FAT1: variants seen among roughly 807,000 people sequenced by gnomAD.
FAT1 encodes the protein FAT atypical cadherin 1.
Under a neutral mutation model 329.8 loss-of-function variants are expected in FAT1, and 171 were observed. That is an observed-to-expected ratio of 0.52 (90% CI 0.46 to 0.59). The LOEUF (loss-of-function observed/expected upper bound fraction) is 0.59. Among genes scored for constraint, FAT1 ranks in the 20% least tolerant of loss-of-function variants. The pLI is 0.00. For missense variants in FAT1, 5,672 were observed against 5,774.4 expected, an observed-to-expected ratio of 0.98 and a Z score of 0.57; for synonymous variants, 2,233 against 2,228.6, an observed-to-expected ratio of 1.00 and a Z score of -0.06.
At chr4:186,606,665 G>A (rs1016979797) in intron 16 of FAT1, among the ~76,000 whole-genome samples, 2 of 152,064 alleles carry the variant, frequency 1.3e-5, no homozygotes, top group African/African-American at 4.8e-5. Context: ...CATTTCCAAT[G>A]CCTCAGGACA....
chr4:186,620,443 T>C lies in FAT1; in HGVS notation c.6143A>G (p.Asp2048Gly), dbSNP rs1311527808. ...TTCCTCTGTCACTTCTACAACCACA[T>C]CAAACGCCTCCTGCTGCTCACGATC... is the stretch of plus-strand genomic sequence containing the variant. ...PFDREQQEAFDVVVEVTEEHK... is the reference protein window; with the variant it reads ...PFDREQQEAFGVVVEVTEEHK... The change falls in exon 10 of 27, where the codon GAT becomes GGT. Residue 2048 changes from aspartate to glycine, a missense_variant. Coordinates refer to ENST00000441802, the MANE Select transcript of FAT1 (RefSeq NM_005245.4). 1.9e-6 allele frequency: 3 copies of C among 1,613,996 alleles called. No individual in the cohort carries two copies. The highest frequency in any genetic ancestry group is 2.5e-6 in the Non-Finnish European group (3 of 1,179,900).
chr4:186,662,932 G>C (rs1227617550), intron 3 of FAT1, among the ~76,000 whole-genome samples: 1 of 152,042 alleles, frequency 6.6e-6, no homozygotes, highest in Admixed American at 6.5e-5. Context: ...CGCCCCCCGG[G>C]TTCACGCCAT....
Position 186,661,789 on chromosome 4 carries a change from G to C in FAT1, c.3580+1510C>G, listed in dbSNP as rs148378594. ...TTGGAGCTGGTGGGTCAGGAGTTTC[G>C]GAGGCCTGGGCTTGAAGAGAGGTTA... On this transcript the variant is annotated intron_variant, in intron 3 of 26. Coordinates refer to ENST00000441802, the MANE Select transcript of FAT1 (RefSeq NM_005245.4). Among the ~76,000 whole-genome samples the C allele has an allele frequency of 1.8e-4, 27 of 152,174 alleles. No individual in the cohort carries two copies. In the Middle Eastern group the frequency reaches 0.01, roughly 58 times the overall value.
rs1235360962 is a variant in FAT1, at chr4:186,603,050, G to A, written c.11351-16C>T. 1 of 1,613,756 alleles carries A rather than the reference G, an allele frequency of 6.2e-7. No homozygotes were observed. Among genetic ancestry groups the A allele is most frequent in the East Asian group, 2.2e-5 (1 of 44,846 alleles). On this transcript the variant is annotated splice_polypyrimidine_tract_variant and intron_variant, in intron 19 of 26. Transcript: ENST00000441802. ...CACCTTCCCTCTTCATTCAAAGAGG[G>A]GAGAAAGGGAAAAGATAATTAACAG...
chr4:186,684,302 A>G (rs1743362854), intron 2 of FAT1, among the ~76,000 whole-genome samples: 2 of 152,130 alleles, frequency 1.3e-5, no homozygotes, highest in African/African-American at 4.8e-5. Context: ...ACTATATCCA[A>G]TCCCAGATGA....
At chr4:186,589,498 GGA>G (rs2126359751) in intron 26 of FAT1, among the ~76,000 whole-genome samples, 1 of 152,120 alleles carries the variant, frequency 6.6e-6, no homozygotes, top group East Asian at 1.9e-4. Flanking sequence ...AAGAGAAATG[GGA>G]TGCTAGCATC....
At chr4:186,662,014 G>T (rs1475780109) in intron 3 of FAT1, among the ~76,000 whole-genome samples, 4 of 63,180 alleles carry the variant, frequency 6.3e-5, no homozygotes, top group African/African-American at 2.5e-4. Context: ...CCTCCCCCCC[G>T]CCCCCCGGCC....
Position 186,602,940 on chromosome 4 carries a change from G to A in FAT1, c.11445C>T (p.Thr3815=). ...CVSDPWEEKH[T]CVCPSGRFGQ... ...CAAACCTGCCGCTGGGACAGACACA[G>A]GTGTGTTTCTCCTCCCAGGGATCAG... Residue 3815 remains threonine (T), a synonymous_variant, in exon 20 of 27, where the codon ACC becomes ACT. Coordinates refer to ENST00000441802, the MANE Select transcript of FAT1 (RefSeq NM_005245.4). The A allele has an allele frequency of 2.5e-6, 4 of 1,613,958 alleles. No homozygotes were observed. The highest frequency in any genetic ancestry group is 3.4e-6 in the Non-Finnish European group (4 of 1,179,852).
chr4:186,670,833 G>A (rs951765951), intron 2 of FAT1, among the ~76,000 whole-genome samples: 2 of 152,080 alleles, frequency 1.3e-5, no homozygotes, highest in African/African-American at 2.4e-5. Flanking sequence ...CCAGAGAGAC[G>A]TAACTAAATG....
At chr4:186,665,302 G>C (rs1742380258) in intron 2 of FAT1, among the ~76,000 whole-genome samples, 1 of 152,186 alleles carries the variant, frequency 6.6e-6, no homozygotes, top group Non-Finnish European at 1.5e-5. Flanking sequence ...CTAGTTTACA[G>C]TCCCACCAAC....
At position 186,628,481 on chromosome 4, in the gene FAT1, C is replaced by A. The variant is rs751227976; in HGVS notation, c.4599+7G>T. 1.2e-6 allele frequency: 2 copies of A among 1,613,690 alleles called. No individual in the cohort carries two copies. The highest frequency in any genetic ancestry group is 8.5e-7 in the Non-Finnish European group (1 of 1,179,792). On this transcript the variant is annotated splice_region_variant and intron_variant, in intron 8 of 26. Transcript: ENST00000441802. Reference sequence around the variant, plus strand: ...AATGGTGGGAGGAGAGCGGGTAGAGCGCCTACCATGACCGTGAGGGTGTGC... The same window carrying A: ...AATGGTGGGAGGAGAGCGGGTAGAGAGCCTACCATGACCGTGAGGGTGTGC...
chr4:186,603,336 T>G lies in FAT1; in HGVS notation c.11190A>C (p.Ile3730=). Residue 3730 remains isoleucine (I), a synonymous_variant, in exon 19 of 27, where the codon ATA becomes ATC. Transcript: ENST00000441802. ...TDIEEIIGVR[I]LNVFQKLCAG... ...CGCAGAGTTTCTGGAATACATTCAG[T>G]ATCCTAACTCCAATGATTTCCTCAA... is the stretch of plus-strand genomic sequence containing the variant. 1 of 1,614,022 alleles carries G rather than the reference T, an allele frequency of 6.2e-7. No homozygotes were observed. The highest frequency in any genetic ancestry group is 8.5e-7 in the Non-Finnish European group (1 of 1,179,896).
chr4:186,677,900 A>C (rs1743028851), intron 2 of FAT1, among the ~76,000 whole-genome samples: 1 of 152,196 alleles, frequency 6.6e-6, no homozygotes. Flanking sequence ...AATAACTGTC[A>C]TGTATCTACA....
At chr4:186,592,809 A>C (rs1738309871) in intron 26 of FAT1, 1 of 455,966 alleles carries the variant, frequency 2.2e-6, no homozygotes, top group Non-Finnish European at 4.4e-6. Context: ...GTTAGAAAAC[A>C]GTGCATGAAA....
chr4:186,719,173 T>A (rs1745349712), intron 1 of FAT1, among the ~76,000 whole-genome samples: 1 of 152,186 alleles, frequency 6.6e-6, no homozygotes. Flanking sequence ...AAAGATCTCA[T>A]CTACTCTGCC....
chr4:186,609,178 C>T lies in FAT1; in HGVS notation c.10206+5G>A, dbSNP rs562643856. The T allele has an allele frequency of 1.1e-5, 18 of 1,610,774 alleles. No homozygotes were observed. In the South Asian group the frequency reaches 1.9e-4, roughly 17 times the overall value. On this transcript the variant is annotated splice_donor_5th_base_variant and intron_variant, in intron 16 of 26. Transcript: ENST00000441802. ...AAACAACGTAAATCAACCTTTTTCA[C>T]TTACCGTTTCTCGGTCGAGAAGTTT...
chr4:186,675,892 T>G (rs1412827137), intron 2 of FAT1, among the ~76,000 whole-genome samples: 1 of 152,182 alleles, frequency 6.6e-6, no homozygotes, highest in African/African-American at 2.4e-5. Context: ...CTGGCTTGGA[T>G]CTTAATCTGG....
At chr4:186,592,648 G>A in intron 26 of FAT1, 1 of 454,532 alleles carries the variant, frequency 2.2e-6, no homozygotes, top group Non-Finnish European at 4.4e-6. Flanking sequence ...CTACGACACG[G>A]CTGCTGCAAG....
chr4:186,721,239 C>A (rs1745456785), intron 1 of FAT1, among the ~76,000 whole-genome samples: 1 of 151,882 alleles, frequency 6.6e-6, no homozygotes, highest in Admixed American at 6.5e-5. Context: ...CTGGGACTTA[C>A]AGTAAAAGAT....
Sources: gnomAD v4.1 joint callset for allele counts (sites outside exome capture counted in the v4.1 genomes callset) on GRCh38, gnomAD v4.1.1 for gene constraint, MANE v1.5 for transcripts, NCBI Gene and HGNC (gene_info 2026-07-23, HGNC 2026-07-21) for gene names.